KIF13B: variants seen among roughly 807,000 people sequenced by gnomAD.
KIF13B encodes kinesin family member 13B, also known as kinesin-like protein KIF13B.
Under a neutral mutation model 222.0 loss-of-function variants are expected in KIF13B, and 127 were observed. The observed-to-expected ratio is 0.57, with a 90% CI of 0.50 to 0.66. The LOEUF (loss-of-function observed/expected upper bound fraction) is 0.66. Ranked by LOEUF, KIF13B falls within the 30% of genes least tolerant of loss-of-function variation. The pLI is 0.00. For missense variants in KIF13B, 2,173 were observed against 2,379.0 expected (o/e 0.91, Z 1.80); for synonymous variants, 976 against 919.0 (o/e 1.06, Z -1.12).
intron 36 of KIF13B, among the ~76,000 whole-genome samples, chr8:29,098,025 G>A (rs1808613232): frequency 6.6e-6 from 1 of 151,748 alleles, no homozygotes; most frequent in South Asian, 2.1e-4. Flanking sequence ...CAAAAAATTA[G>A]CTTGGCATGG....
chr8:29,223,913 G>A (rs538981351), intron 2 of KIF13B, among the ~76,000 whole-genome samples: 104 of 151,636 alleles, frequency 6.9e-4, no homozygotes, highest in Non-Finnish European at 8.0e-4. Context: ...GGATGGTCTC[G>A]ATCTCCTGAC....
chr8:29,070,128 G>A lies in KIF13B; in HGVS notation c.*376C>T, dbSNP rs934313818. ...AGGCACTGGTTACAATTATGGTTTAGGTTAAGACATTAGTGGGGCCACCAG... is the reference window on the plus strand; with the variant it reads ...AGGCACTGGTTACAATTATGGTTTAAGTTAAGACATTAGTGGGGCCACCAG... On this transcript the variant is annotated 3_prime_UTR_variant, in exon 40 of 40. Transcript: ENST00000524189. The surrounding 1 kb of genome is among the most constrained non-coding windows in gnomAD (Gnocchi z 4.1). 3.6e-6 allele frequency: 1 copy of A among 275,220 alleles called. No homozygotes were observed. Among genetic ancestry groups the A allele is most frequent in the African/African-American group, 2.3e-5 (1 of 42,892 alleles). 17.0% of individuals were successfully genotyped at this position (275,220 alleles called of 1,614,324 possible).
Position 29,148,714 on chromosome 8 carries a change from T to A in KIF13B, c.1676A>T (p.Asp559Val). The change falls in exon 16 of 40, where the codon GAT becomes GTT. Residue 559 changes from aspartate (D) to valine (V), a missense_variant. Coordinates refer to ENST00000524189, the MANE Select transcript of KIF13B (RefSeq NM_015254.4). Reference sequence around the variant, plus strand: ...ACTATTCTCGTTCTTCATGGAGGGATCCTGGTCCTCATCCTCTCGTTCTGC... The same window carrying A: ...ACTATTCTCGTTCTTCATGGAGGGAACCTGGTCCTCATCCTCTCGTTCTGC... ...KKAEREDEDQ[D>V]PSMKNENSSE... The A allele has an allele frequency of 6.2e-7, 1 of 1,610,284 alleles. No homozygotes were observed. The highest frequency in any genetic ancestry group is 8.5e-7 in the Non-Finnish European group (1 of 1,178,310).
chr8:29,117,081 T>C (rs1053086986), intron 30 of KIF13B, 74 bp from the exon 31 acceptor site: 12 of 1,395,936 alleles, frequency 8.6e-6, no homozygotes, highest in African/African-American at 1.4e-5. Flanking sequence ...GGAAACCACC[T>C]TGGCTCAGGC....
At chr8:29,096,016 C>A (rs1211416382) in intron 36 of KIF13B, among the ~76,000 whole-genome samples, 1 of 149,640 alleles carries the variant, frequency 6.7e-6, no homozygotes, top group African/African-American at 2.5e-5. Context: ...GAGTCTCACT[C>A]TGTCACCCAG....
At chr8:29,095,441 G>C (rs1808478630) in intron 36 of KIF13B, among the ~76,000 whole-genome samples, 1 of 152,164 alleles carries the variant, frequency 6.6e-6, no homozygotes, top group Non-Finnish European at 1.5e-5. Context: ...TTCAAAAAAG[G>C]AGAGCATTTT....
intron 17 of KIF13B, 58 bp downstream of exon 17, chr8:29,147,334 T>G: frequency 8.2e-7 from 1 of 1,217,968 alleles, no homozygotes; most frequent in Non-Finnish European, 1.2e-6. Context: ...TTTCCCTAGG[T>G]GTGTTAGAGG....
intron 2 of KIF13B, among the ~76,000 whole-genome samples, chr8:29,232,578 A>C (rs1815334511): frequency 6.6e-6 from 1 of 152,062 alleles, no homozygotes; most frequent in African/African-American, 2.4e-5. Context: ...CAGTGACCAC[A>C]TTCTGCTGAC....
chr8:29,131,762 C>T (rs1481535336), intron 23 of KIF13B, among the ~76,000 whole-genome samples: 1 of 152,204 alleles, frequency 6.6e-6, no homozygotes, highest in African/African-American at 2.4e-5. Flanking sequence ...ATTCATTTCA[C>T]TGTTTCTTCT....
chr8:29,191,405 A>C (rs1813180685), intron 3 of KIF13B, among the ~76,000 whole-genome samples: 1 of 152,148 alleles, frequency 6.6e-6, no homozygotes, highest in South Asian at 2.1e-4. Flanking sequence ...TTTTGTAGTC[A>C]AAGAAAAAGA....
chr8:29,193,186 C>T (rs4732917), intron 3 of KIF13B, among the ~76,000 whole-genome samples: 7,158 of 152,258 alleles, frequency 0.047, 355 homozygotes, highest in African/African-American at 0.12. Flanking sequence ...CGGCTGACAG[C>T]CCCTGAGAGC....
chr8:29,115,473 C>T (rs774199227), intron 31 of KIF13B, among the ~76,000 whole-genome samples: 1 of 151,860 alleles, frequency 6.6e-6, no homozygotes, highest in Non-Finnish European at 1.5e-5. Context: ...ATTGCAGGCA[C>T]CCACCACCAC....
At chr8:29,149,771 T>A (rs1811218033) in intron 15 of KIF13B, among the ~76,000 whole-genome samples, 1 of 152,156 alleles carries the variant, frequency 6.6e-6, no homozygotes, top group African/African-American at 2.4e-5. Flanking sequence ...ACTTTAGCCA[T>A]GACTTTTTTT....
chr8:29,178,633 A>G (rs1812582406), intron 8 of KIF13B, among the ~76,000 whole-genome samples: 1 of 144,388 alleles, frequency 6.9e-6, no homozygotes, highest in Non-Finnish European at 1.5e-5. Flanking sequence ...CAGTGTCCCA[A>G]ATCAAAAGTA....
chr8:29,220,302 C>G (rs940962545), intron 2 of KIF13B, among the ~76,000 whole-genome samples: 1 of 152,090 alleles, frequency 6.6e-6, no homozygotes, highest in South Asian at 2.1e-4. Context: ...TGGTCACTAG[C>G]CTTGCCTGGT....
chr8:29,152,961 T>C (rs1237834596), intron 14 of KIF13B, among the ~76,000 whole-genome samples: 1 of 152,234 alleles, frequency 6.6e-6, no homozygotes, highest in African/African-American at 2.4e-5. Flanking sequence ...ACCTAACTTA[T>C]ATATGCACTG....
chr8:29,193,966 C>T (rs1586908466), intron 3 of KIF13B, among the ~76,000 whole-genome samples: 2 of 151,034 alleles, frequency 1.3e-5, no homozygotes, highest in East Asian at 3.9e-4. Flanking sequence ...TACAGGCGCC[C>T]GCTACCACGC....
intron 10 of KIF13B, among the ~76,000 whole-genome samples, chr8:29,171,065 T>G (rs1022956327): frequency 6.6e-6 from 1 of 152,230 alleles, no homozygotes; most frequent in Non-Finnish European, 1.5e-5. Flanking sequence ...GAAACGACTG[T>G]CATCCAGGCG....
intron 35 of KIF13B, among the ~76,000 whole-genome samples, chr8:29,104,302 T>TAC (rs941419647): frequency 8.6e-4 from 131 of 152,194 alleles, no homozygotes; most frequent in African/African-American, 3.1e-3. Flanking sequence ...CTCGGACCTA[T>TAC]ACACTGCTGT....
Sources: gnomAD v4.1 joint callset for allele counts (sites outside exome capture counted in the v4.1 genomes callset) on GRCh38, gnomAD v4.1.1 for gene constraint, Gnocchi (gnomAD v3.1) non-coding constraint, MANE v1.5 for transcripts, NCBI Gene and HGNC (gene_info 2026-07-23, HGNC 2026-07-21) for gene names.